GNB1: variants seen among roughly 807,000 people sequenced by gnomAD.
GNB1 encodes the protein G protein subunit beta 1.
Under a neutral mutation model 42.9 loss-of-function variants are expected in GNB1, and 2 were observed. The observed-to-expected ratio is 0.05, with a 90% confidence interval of 0.02 to 0.15. The LOEUF (loss-of-function observed/expected upper bound fraction) is 0.15. GNB1 is among the 10% of genes least tolerant of loss of function. The pLI is 1.00. For synonymous variants in GNB1, 183 were observed against 174.7 expected (o/e 1.05, Z -0.38); for missense variants, 193 against 462.2 (o/e 0.42, Z 5.34).
rs151180477 is a variant in GNB1 at position 1,815,791 on chromosome 1, G to A, written c.168C>T (p.Ala56=). 6.2e-7 allele frequency: 1 copy of A among 1,608,086 alleles called. No individual in the cohort carries two copies. Residue 56 remains alanine (A), a synonymous_variant, in exon 5 of 12, where the codon GCC becomes GCT. Transcript: ENST00000378609. ...TGCCCCAGTGCATGGCGTAGATCTT[G>A]GCCAGGTGCCCCCGCAGTGTCCTCC... ...RTRRTLRGHL[A]KIYAMHWGTD... is the part of the protein sequence containing the mutation.
intron 1 of GNB1, among the ~76,000 whole-genome samples, chr1:1,867,435 C>A (rs1412364888): frequency 6.6e-6 from 1 of 152,138 alleles, no homozygotes; most frequent in Non-Finnish European, 1.5e-5. Context: ...AAGTTCTCTA[C>A]CCTCATGGAG....
chr1:1,862,471 A>T (rs571227804), intron 1 of GNB1, among the ~76,000 whole-genome samples: 25 of 146,020 alleles, frequency 1.7e-4, no homozygotes, highest in Admixed American at 1.6e-3. Flanking sequence ...ATTTTTATTA[A>T]TTTTTTTTTT....
intron 1 of GNB1, among the ~76,000 whole-genome samples, chr1:1,860,540 G>A (rs1201067915): frequency 6.6e-6 from 1 of 151,924 alleles, no homozygotes; most frequent in Admixed American, 6.6e-5. Flanking sequence ...GGGAGGCTGA[G>A]GCAGGAGAAC....
At chr1:1,815,527 G>A (rs985168590) in intron 5 of GNB1, among the ~76,000 whole-genome samples, 1 of 152,256 alleles carries the variant, frequency 6.6e-6, no homozygotes, top group African/African-American at 2.4e-5. Context: ...TTGTATTAAT[G>A]TGATTCAGAC....
intron 7 of GNB1, among the ~76,000 whole-genome samples, chr1:1,804,174 G>C (rs1044030670): frequency 6.6e-6 from 1 of 151,674 alleles, no homozygotes; most frequent in East Asian, 1.9e-4. Context: ...GTGGGCGCCT[G>C]TAGTCCCAGC....
Position 1,825,458 on chromosome 1 carries a change from C to T in GNB1, c.-5G>A. The T allele has an allele frequency of 1.9e-6, 3 of 1,607,202 alleles. No individual in the cohort carries two copies. The highest frequency in any genetic ancestry group is 2.2e-5 in the East Asian group (1 of 44,838). On this transcript the variant is annotated 5_prime_UTR_variant, in exon 3 of 12. Transcript: ENST00000378609. The stretch of plus-strand genomic sequence containing the variant: ...TAACTGGTCAAGCTCACTCATCTTC[C>T]GATCTTAGTGCTCTTCAATGCCACC...
intron 1 of GNB1, among the ~76,000 whole-genome samples, chr1:1,888,806 T>C (rs530686706): frequency 6.6e-6 from 1 of 152,152 alleles, no homozygotes; most frequent in South Asian, 2.1e-4. Flanking sequence ...GCCACTGCAC[T>C]CCAGCCTGGG....
At chr1:1,815,665 G>T in intron 5 of GNB1, 91 bp downstream of exon 5, 1 of 717,338 alleles carries the variant, frequency 1.4e-6, no homozygotes, top group Non-Finnish European at 2.5e-6. Flanking sequence ...TCACTGCACA[G>T]CACAGCAAAT....
intron 6 of GNB1, among the ~76,000 whole-genome samples, chr1:1,804,812 GAA>G (rs1646674297): frequency 6.6e-6 from 1 of 152,206 alleles, no homozygotes; most frequent in African/African-American, 2.4e-5. Flanking sequence ...CAGTTTTACT[GAA>G]GTCACAACTT....
At chr1:1,842,624 T>C (rs58329949) in intron 1 of GNB1, among the ~76,000 whole-genome samples, 2 of 152,290 alleles carry the variant, frequency 1.3e-5, no homozygotes, top group East Asian at 3.9e-4. Context: ...TGTGTCTGCG[T>C]GTGCATGCAC....
At chr1:1,822,772 C>T (rs190410498) in intron 3 of GNB1, among the ~76,000 whole-genome samples, 12 of 152,190 alleles carry the variant, frequency 7.9e-5, no homozygotes, top group Non-Finnish European at 1.3e-4. Context: ...TTCCTTTTGG[C>T]CTTAATTTTT....
intron 2 of GNB1, among the ~76,000 whole-genome samples, chr1:1,837,296 C>T (rs1289263320): frequency 1.3e-5 from 2 of 150,808 alleles, no homozygotes; most frequent in African/African-American, 4.9e-5. Context: ...ACTCTGTCAC[C>T]CAGGCTGGAG....
At chr1:1,855,910 C>A (rs910756313) in intron 1 of GNB1, among the ~76,000 whole-genome samples, 2 of 152,212 alleles carry the variant, frequency 1.3e-5, no homozygotes, top group Non-Finnish European at 2.9e-5. Context: ...CAGCACTGAT[C>A]TGGGGAAGGT....
intron 5 of GNB1, among the ~76,000 whole-genome samples, chr1:1,807,477 A>C (rs1165214283): frequency 1.3e-4 from 19 of 148,324 alleles, no homozygotes; most frequent in Non-Finnish European, 1.9e-4. Flanking sequence ...AAAAAAAAAA[A>C]AAAAAAAAAA....
intron 1 of GNB1, among the ~76,000 whole-genome samples, chr1:1,869,162 G>A (rs944733554): frequency 3.9e-4 from 54 of 137,616 alleles, no homozygotes; most frequent in African/African-American, 1.4e-3. Context: ...CTCCAGCCTG[G>A]GCAACAGAGC....
At chr1:1,809,745 T>C (rs527498267) in intron 5 of GNB1, among the ~76,000 whole-genome samples, 12 of 152,278 alleles carry the variant, frequency 7.9e-5, no homozygotes, top group African/African-American at 2.9e-4. Flanking sequence ...AGAGAAGACA[T>C]GCCTCCTAGT....
chr1:1,790,354 G>A lies in GNB1; in HGVS notation c.699+41C>T, dbSNP rs1369170820. On this transcript the variant is annotated intron_variant, in intron 9 of 11. Transcript: ENST00000378609. The surrounding 1 kb of genome is among the most constrained non-coding windows in gnomAD (Gnocchi z 5.4). The stretch of plus-strand genomic sequence containing the variant: ...TTTAGCAATCTGAACGGCTAGCAGA[G>A]ACGGCAGAGGACCCGACCCCACACC... 3 of 1,357,474 alleles carry A rather than the reference G, an allele frequency of 2.2e-6. No homozygotes were observed. Among genetic ancestry groups the A allele is most frequent in the Admixed American group, 1.7e-5 (1 of 59,630 alleles). The allele number at this position is 1,357,474 out of a possible 1,614,324, so 84.1% of individuals were successfully genotyped here.
intron 1 of GNB1, among the ~76,000 whole-genome samples, chr1:1,866,693 G>A (rs1415793046): frequency 6.6e-6 from 1 of 151,688 alleles, no homozygotes; most frequent in African/African-American, 2.4e-5. Context: ...GGTGGCTCAC[G>A]CCTGTAATCC....
At chr1:1,867,750 C>A (rs1186798893) in intron 1 of GNB1, among the ~76,000 whole-genome samples, 1 of 152,152 alleles carries the variant, frequency 6.6e-6, no homozygotes, top group Non-Finnish European at 1.5e-5. Context: ...TAGATATGTT[C>A]CGAATGCTTA....
Sources: gnomAD v4.1 joint callset for allele counts (sites outside exome capture counted in the v4.1 genomes callset) on GRCh38, gnomAD v4.1.1 for gene constraint, Gnocchi (gnomAD v3.1) non-coding constraint, MANE v1.5 for transcripts, NCBI Gene and HGNC (gene_info 2026-07-23, HGNC 2026-07-21) for gene names.